The following RNASE11 variants were observed in gnomAD, a reference collection of about 807,000 sequenced individuals.
RNASE11 encodes the protein putative inactive ribonuclease 11.
For synonymous variants in RNASE11, 105 were observed against 86.1 expected, an observed-to-expected ratio of 1.22 and a Z score of -1.21; for missense variants, 252 against 237.8, an observed-to-expected ratio of 1.06 and a Z score of -0.39.
chr14:20,588,591 A>G (rs1454299539), upstream of RNASE11, among the ~76,000 whole-genome samples: 1 of 152,162 alleles, frequency 6.6e-6, no homozygotes. Flanking sequence ...GAACAGGAAC[A>G]GATGCTGCCT....
At chr14:20,584,113 A>G (rs1351465811) in exon 2 of RNASE11, 4 of 1,614,040 alleles carry the variant, frequency 2.5e-6, no homozygotes, top group Admixed American at 3.3e-5. Flanking sequence ...GGAGCTGCGG[A>G]TGAAGTTATT....
At chr14:20,587,035 C>T (rs1884449998) in intron 1 of RNASE11, among the ~76,000 whole-genome samples, 1 of 152,152 alleles carries the variant, frequency 6.6e-6, no homozygotes, top group Non-Finnish European at 1.5e-5. Context: ...TGCCTATAGT[C>T]CCAGCCACTC....
intron 1 of RNASE11, among the ~76,000 whole-genome samples, chr14:20,586,315 C>G (rs911547299): frequency 2.0e-5 from 3 of 152,218 alleles, no homozygotes; most frequent in African/African-American, 7.2e-5. Flanking sequence ...AAGCCCAGTT[C>G]AGATCTCATT....
chr14:20,587,298 G>T lies in RNASE11; in HGVS notation c.-23+265C>A, dbSNP rs145057183. 2.0e-4 allele frequency among the ~76,000 whole-genome samples: 31 copies of T among 152,150 alleles called. No individual in the cohort carries two copies. The East Asian group carries it at 4.4e-3, about 22-fold the overall frequency. Reference sequence around the variant, plus strand: ...TCCCTATTGAATGAAATTACTCTGAGGATACATCCTATTGGTTCATCTCAG... The same window carrying T: ...TCCCTATTGAATGAAATTACTCTGATGATACATCCTATTGGTTCATCTCAG... On this transcript the variant is annotated intron_variant, in intron 1 of 1. Transcript: ENST00000553849.
chr14:20,587,367 C>A (rs1027344772), intron 1 of RNASE11, among the ~76,000 whole-genome samples, 196 bp downstream of exon 2: 39 of 151,936 alleles, frequency 2.6e-4, no homozygotes, highest in Non-Finnish European at 2.9e-5. Flanking sequence ...AAAGGAGGAG[C>A]TTCGGTGAAG....
chr14:20,589,668 C>T (rs568781308), upstream of RNASE11, among the ~76,000 whole-genome samples: 48 of 152,078 alleles, frequency 3.2e-4, no homozygotes, highest in Non-Finnish European at 5.9e-4. Context: ...GGGCAGATCA[C>T]CTGAGGTCAG....
chr14:20,583,940 T>C, exon 2 of RNASE11: 1 of 1,614,138 alleles, frequency 6.2e-7, no homozygotes, highest in East Asian at 2.2e-5. Flanking sequence ...GTCAATATCT[T>C]CTCTAATGAG....
rs879669989 is a variant in RNASE11, at chr14:20,584,318, T to C, written c.157A>G (p.Met53Val). The C allele has an allele frequency of 1.2e-6, 2 of 1,614,086 alleles. No individual in the cohort carries two copies. The highest frequency in any genetic ancestry group is 2.7e-5 in the African/African-American group (2 of 74,916). ...TTTTTAACTAACAGGATCGGGTTCA[T>C]TAATATCTCAATGGTCTGTTTTTCT... Residue 53 changes from methionine to valine, a missense_variant, in exon 2 of 2, where the codon ATG becomes GTG. Met to Val is a conservative substitution (Grantham distance 21). Coordinates refer to ENST00000553849, the Ensembl canonical transcript of RNASE11.
At chr14:20,584,569 T>A in intron 1 of RNASE11, 73 bp from the exon 3 acceptor site, 2 of 1,280,352 alleles carry the variant, frequency 1.6e-6, no homozygotes, top group Non-Finnish European at 2.1e-6. Flanking sequence ...TCCTGACAGT[T>A]ATTCCTGGTA....
upstream of RNASE11, among the ~76,000 whole-genome samples, chr14:20,589,361 C>G (rs913543773): frequency 2.0e-5 from 3 of 151,294 alleles, no homozygotes; most frequent in South Asian, 4.2e-4. Flanking sequence ...TCACGCCATT[C>G]TCTTGCCTCA....
upstream of RNASE11, among the ~76,000 whole-genome samples, chr14:20,588,832 G>C (rs1213225078): frequency 6.6e-6 from 1 of 152,094 alleles, no homozygotes; most frequent in Non-Finnish European, 1.5e-5. Flanking sequence ...TGTTGCCCAG[G>C]CTGGAGTGCA....
upstream of RNASE11, chr14:20,590,233 C>T: frequency 1.3e-6 from 2 of 1,596,924 alleles, no homozygotes; most frequent in Non-Finnish European, 8.5e-7. Flanking sequence ...CAGCCAGCTC[C>T]AATGCCATTG....
At chr14:20,590,048 A>T (rs1045788200), upstream of RNASE11, 56 of 777,026 alleles carry the variant, frequency 7.2e-5, 2 homozygotes, top group South Asian at 1.3e-4. Flanking sequence ...GAGATAAGGG[A>T]CAAAAAATGG....
intron 1 of RNASE11, among the ~76,000 whole-genome samples, chr14:20,586,957 C>T (rs1884447661): frequency 6.6e-6 from 1 of 152,156 alleles, no homozygotes. Flanking sequence ...CAAGACCAGC[C>T]TAGGCAACAT....
Position 20,583,892 on chromosome 14 carries a change from AAACT to A in RNASE11, c.579_582del (p.Leu193PhefsTer18), listed in dbSNP as rs756415662. The stretch of plus-strand genomic sequence containing the variant: ...TGTGGGATTTACAACTTAGAGCCAC[AAACT>A]AACCAGCTCATCAGAGAATGACCTG... On this transcript the variant is annotated frameshift_variant, in exon 2 of 2. Transcript: ENST00000553849. LOFTEE classifies it high-confidence loss of function. 2.5e-6 allele frequency: 4 copies of A among 1,610,292 alleles called. No homozygotes were observed. The African/African-American group carries it at 5.3e-5, about 22-fold the overall frequency.
intron 1 of RNASE11, 148 bp from the exon 3 acceptor site, chr14:20,584,644 C>T (rs566894841): frequency 2.9e-5 from 17 of 585,430 alleles, no homozygotes; most frequent in Non-Finnish European, 4.8e-5. Context: ...AATAGAAAGA[C>T]AATCAGCTGT....
chr14:20,590,124 C>T (rs893350600), upstream of RNASE11: 16 of 1,355,054 alleles, frequency 1.2e-5, no homozygotes, highest in Non-Finnish European at 1.5e-5. Context: ...ATAAAACAAT[C>T]CCAACCCAGC....
upstream of RNASE11, among the ~76,000 whole-genome samples, chr14:20,589,272 T>TG (rs1480194680): frequency 5.7e-5 from 8 of 139,618 alleles, no homozygotes; most frequent in African/African-American, 2.2e-4. Context: ...TTTTTTTTTT[T>TG]GAGACGGAGT....
exon 2 of RNASE11, chr14:20,584,410 G>T: frequency 6.2e-7 from 1 of 1,613,602 alleles, no homozygotes; most frequent in Non-Finnish European, 8.5e-7. Context: ...TATCTTCATT[G>T]TGCTTTCTGA....
Sources: gnomAD v4.1 joint callset for allele counts (sites outside exome capture counted in the v4.1 genomes callset) on GRCh38, gnomAD v4.1.1 for gene constraint, MANE v1.5 for transcripts, NCBI Gene and HGNC (gene_info 2026-07-23, HGNC 2026-07-21) for gene names.